The following GSAP variants were observed in gnomAD, a reference collection of about 807,000 sequenced individuals.
GSAP encodes the protein gamma-secretase activating protein.
GSAP carries 118 observed loss-of-function variants against 131.7 expected under a neutral mutation model. The ratio of observed to expected loss-of-function variants is 0.90; its 90% CI spans 0.77 to 1.04. GSAP has a LOEUF of 1.04. Ranked by LOEUF, GSAP falls within the 50% of genes least tolerant of loss-of-function variation. GSAP has a pLI of 0.00. For missense variants in GSAP, 1,019 were observed against 1,013.2 expected (o/e 1.01, Z -0.08); for synonymous variants, 381 against 363.4 (o/e 1.05, Z -0.55).
Position 77,390,946 on chromosome 7 carries a change from T to TTAAAA in GSAP, c.368-3499_368-3498insTTTTA, listed in dbSNP as rs71531149. On this transcript the variant is annotated intron_variant, in intron 5 of 30. Coordinates refer to ENST00000257626, the MANE Select transcript of GSAP (RefSeq NM_017439.4). ...CCTGGTGACAGAGCGAGACTCCGTC[T>TTAAAA]AAAAAAAAAAAAAAAAAAAAAAAAA... Among the ~76,000 whole-genome samples the TTAAAA allele has an allele frequency of 9.8e-4, 37 of 37,942 alleles. 4 individuals carry two copies. Among genetic ancestry groups the TTAAAA allele is most frequent in the African/African-American group, 3.3e-3 (34 of 10,294 alleles). The allele number at this position is 37,942 out of a possible 152,430, so 24.9% of individuals were successfully genotyped here. A position where few individuals can be genotyped will look rare whatever the true frequency, so the allele number is the denominator to read the frequency against.
intron 28 of GSAP, among the ~76,000 whole-genome samples, chr7:77,312,781 A>G (rs144544283): frequency 6.6e-6 from 1 of 152,356 alleles, no homozygotes; most frequent in East Asian, 1.9e-4. Flanking sequence ...GCCGTTCGTG[A>G]GAGGACAGTG....
At chr7:77,347,668 A>G (rs1792114854) in intron 19 of GSAP, among the ~76,000 whole-genome samples, 1 of 152,202 alleles carries the variant, frequency 6.6e-6, no homozygotes, top group African/African-American at 2.4e-5. Flanking sequence ...AACATGAAAA[A>G]ATGTTTACAA....
At chr7:77,347,779 G>C (rs1440541088) in intron 19 of GSAP, among the ~76,000 whole-genome samples, 2 of 152,078 alleles carry the variant, frequency 1.3e-5, no homozygotes, top group Non-Finnish European at 2.9e-5. Flanking sequence ...TGGGGGAGAA[G>C]AGACAGTTGG....
chr7:77,364,128 A>C (rs903762053), intron 12 of GSAP, among the ~76,000 whole-genome samples: 4 of 152,196 alleles, frequency 2.6e-5, no homozygotes, highest in African/African-American at 9.7e-5. Flanking sequence ...AGTTTTTTAA[A>C]TGATAATGAA....
chr7:77,403,783 G>C (rs1356186314), intron 3 of GSAP, among the ~76,000 whole-genome samples: 1 of 152,206 alleles, frequency 6.6e-6, no homozygotes, highest in Non-Finnish European at 1.5e-5. Flanking sequence ...AAAGGTCTAA[G>C]AGACCTCACC....
At chr7:77,397,064 G>A in intron 4 of GSAP, 29 bp from the exon 5 acceptor site, 1 of 1,451,194 alleles carries the variant, frequency 6.9e-7, no homozygotes, top group Non-Finnish European at 9.6e-7. Flanking sequence ...AAATCCATTA[G>A]CAATTGATCC....
At chr7:77,348,284 A>G (rs1465314423) in intron 19 of GSAP, among the ~76,000 whole-genome samples, 1 of 152,248 alleles carries the variant, frequency 6.6e-6, no homozygotes, top group Admixed American at 6.5e-5. Flanking sequence ...CTTTTAAACT[A>G]TTAATAAAAC....
chr7:77,346,420 C>T (rs1584396781), intron 19 of GSAP, among the ~76,000 whole-genome samples: 1 of 150,822 alleles, frequency 6.6e-6, no homozygotes, highest in South Asian at 2.1e-4. Context: ...TGCAACCCAG[C>T]AGGGCATGGT....
chr7:77,378,355 A>G (rs142065374), intron 8 of GSAP, among the ~76,000 whole-genome samples: 3 of 152,024 alleles, frequency 2.0e-5, no homozygotes. Context: ...ATGGTGGTGC[A>G]TGCCTGTAAT....
Position 77,387,417 on chromosome 7 carries a change from G to T in GSAP, c.399C>A (p.Ile133=). Residue 133 remains isoleucine (I), a synonymous_variant, in exon 6 of 31, where the codon ATC becomes ATA. Coordinates refer to ENST00000257626, the MANE Select transcript of GSAP (RefSeq NM_017439.4). ...GAACCTTCACATTGTTAACAGGGTG[G>T]ATTTCAACCAACAAAGTCAAGCACT... The part of the protein sequence containing the change: ...GSKCLTLLVE[I]HPVNNVKVLK... 1.9e-6 allele frequency: 3 copies of T among 1,603,690 alleles called. No homozygotes were observed. Among genetic ancestry groups the T allele is most frequent in the Non-Finnish European group, 8.5e-7 (1 of 1,170,628 alleles).
At chr7:77,414,980 C>T (rs1804066276) in intron 1 of GSAP, among the ~76,000 whole-genome samples, 2 of 151,010 alleles carry the variant, frequency 1.3e-5, no homozygotes, top group South Asian at 2.1e-4. Flanking sequence ...GCCTCAGCCT[C>T]CCGAGTAGCT....
Position 77,330,281 on chromosome 7 carries a change from G to A in GSAP, c.1632C>T (p.Asn544=), listed in dbSNP as rs147426390. The A allele has an allele frequency of 1.9e-6, 3 of 1,613,366 alleles. No homozygotes were observed. The highest frequency in any genetic ancestry group is 2.5e-6 in the Non-Finnish European group (3 of 1,179,522). Residue 544 remains asparagine (N), a synonymous_variant, in exon 20 of 31, where the codon AAC becomes AAT. Coordinates refer to ENST00000257626, the MANE Select transcript of GSAP (RefSeq NM_017439.4). ...KYAKPHFHYN[N]SVVRREWHNL... is the part of the protein sequence containing the mutation. ...TGTGCCACTCTCTCCTGACCACACT[G>A]TTGTTATAGTGGAAGTGTGGCTTGG...
chr7:77,312,986 C>T (rs1361489852), intron 28 of GSAP, among the ~76,000 whole-genome samples: 1 of 152,078 alleles, frequency 6.6e-6, no homozygotes, highest in African/African-American at 2.4e-5. Context: ...TGTCTTCCTA[C>T]CATGTCATAT....
intron 5 of GSAP, among the ~76,000 whole-genome samples, chr7:77,390,478 G>A (rs1254713604): frequency 6.6e-6 from 1 of 152,084 alleles, no homozygotes; most frequent in Admixed American, 6.5e-5. Flanking sequence ...GTAAGGAAGG[G>A]ATCCAGTTTC....
At chr7:77,353,163 C>T (rs4729347) in intron 17 of GSAP, 137 bp from the exon 18 acceptor site, 240,988 of 607,048 alleles carry the variant, frequency 0.4, 50,353 homozygotes, top group African/African-American at 0.51. Flanking sequence ...CGGTAACCAT[C>T]ATGATTTTAT....
At chr7:77,321,307 G>A (rs769957968) in intron 25 of GSAP, 26 bp downstream of exon 25, 12 of 1,426,974 alleles carry the variant, frequency 8.4e-6, no homozygotes, top group Non-Finnish European at 1.2e-5. Context: ...TGTACACCAT[G>A]ATAAAAGTGA....
Position 77,326,087 on chromosome 7 carries a change from G to C in GSAP, c.1827+125C>G. On this transcript the variant is annotated intron_variant, in intron 23 of 30. Transcript: ENST00000257626. ...CCACTGGGCACACAAGGTCCATAAT[G>C]CTGGCAAAACATACTTGTGCAAAGA... 4 of 694,850 alleles carry C rather than the reference G, an allele frequency of 5.8e-6. No individual in the cohort carries two copies. The South Asian group carries it at 7.8e-5, about 13-fold the overall frequency. The allele number at this position is 694,850 out of a possible 1,614,324, so 43.0% of individuals were successfully genotyped here.
intron 18 of GSAP, among the ~76,000 whole-genome samples, chr7:77,351,987 T>A (rs1238086444): frequency 6.6e-6 from 1 of 152,208 alleles, no homozygotes; most frequent in East Asian, 1.9e-4. Context: ...AGGGAACAAG[T>A]TCAGGCCTTT....
chr7:77,323,896 T>C (rs1221572921), intron 23 of GSAP, among the ~76,000 whole-genome samples, 154 bp from the exon 24 acceptor site: 1 of 152,192 alleles, frequency 6.6e-6, no homozygotes, highest in Non-Finnish European at 1.5e-5. Flanking sequence ...TCAGTATTTC[T>C]CTGGTGAGCA....
Sources: gnomAD v4.1 joint callset for allele counts (sites outside exome capture counted in the v4.1 genomes callset) on GRCh38, gnomAD v4.1.1 for gene constraint, MANE v1.5 for transcripts, NCBI Gene and HGNC (gene_info 2026-07-23, HGNC 2026-07-21) for gene names.